The following FIGN variants were observed in gnomAD, a reference collection of about 807,000 sequenced individuals.
The protein encoded by FIGN is fidgetin.
FIGN carries 11 observed loss-of-function variants against 51.3 expected under a neutral mutation model. The observed-to-expected ratio is 0.21, with a 90% CI of 0.13 to 0.35. The LOEUF is 0.35. Ranked by LOEUF, FIGN falls within the 10% of genes least tolerant of loss-of-function variation. The pLI, the probability that FIGN is intolerant of heterozygous loss-of-function variation, is 1.00. For missense variants in FIGN, 857 were observed against 943.6 expected (o/e 0.91, Z 1.20); for synonymous variants, 407 against 363.2 (o/e 1.12, Z -1.37).
Position 163,714,609 on chromosome 2 carries a change from C to T in FIGN, c.25+20294G>A, listed in dbSNP as rs184567611. ...TTACCTGGATTACCAAGAAACTGAT[C>T]CTAGCTACTTTCCATTAAAATCTAA... On this transcript the variant is annotated intron_variant, in intron 2 of 2. Transcript: ENST00000333129. 2.2e-3 allele frequency among the ~76,000 whole-genome samples: 330 copies of T among 152,306 alleles called. 1 individual carries two copies. The highest frequency in any genetic ancestry group is 7.7e-3 in the African/African-American group (322 of 41,562).
chr2:163,699,600 T>G (rs1473378971), intron 2 of FIGN, among the ~76,000 whole-genome samples: 1 of 152,122 alleles, frequency 6.6e-6, no homozygotes, highest in Non-Finnish European at 1.5e-5. Context: ...GACGCAAAAA[T>G]TCACTGTTAC....
chr2:163,649,747 A>T (rs1683441791), intron 2 of FIGN, among the ~76,000 whole-genome samples: 1 of 152,238 alleles, frequency 6.6e-6, no homozygotes, highest in South Asian at 2.1e-4. Context: ...GCAGCAATAG[A>T]TAACCAGAAT....
intron 2 of FIGN, among the ~76,000 whole-genome samples, chr2:163,694,847 C>T (rs1000719975): frequency 5.3e-5 from 8 of 152,152 alleles, no homozygotes; most frequent in Non-Finnish European, 8.8e-5. Context: ...AGATGGGGAT[C>T]TCGCTATGTT....
Position 163,609,884 on chromosome 2 carries a change from T to A in FIGN, c.1948A>T (p.Ile650Phe). The change falls in exon 3 of 3, where the codon ATC becomes TTC. Residue 650 changes from isoleucine (I) to phenylalanine (F), a missense_variant. This residue lies in a region of FIGN where 799 missense variants were observed against 849.5 expected (regional missense o/e 0.94). Transcript: ENST00000333129. ...CTCGCTGTGCTGTCAGGAAGTGGGA[T>A]TAAAAGTCGTTTCATGAAGTACCTC... ...LRRYFMKRLLIPLPDSTARHQ... is the reference protein window; with the variant it reads ...LRRYFMKRLLFPLPDSTARHQ... The A allele has an allele frequency of 6.2e-7, 1 of 1,614,118 alleles. No homozygotes were observed. Among genetic ancestry groups the A allele is most frequent in the South Asian group, 1.1e-5 (1 of 91,082 alleles).
intron 2 of FIGN, among the ~76,000 whole-genome samples, chr2:163,689,211 G>C (rs893025610): frequency 2.5e-4 from 25 of 100,848 alleles, no homozygotes; most frequent in African/African-American, 9.2e-4. Context: ...CACACACAGA[G>C]AGAGAGTGAG....
At chr2:163,668,014 A>AACCCCCCC (rs1491089658) in intron 2 of FIGN, among the ~76,000 whole-genome samples, 3 of 106,870 alleles carry the variant, frequency 2.8e-5, no homozygotes, top group Admixed American at 9.0e-5. Context: ...CCTACCTCCA[A>AACCCCCCC]CCCCCCCCCC....
intron 2 of FIGN, among the ~76,000 whole-genome samples, chr2:163,700,267 C>T (rs1684388154): frequency 6.6e-6 from 1 of 151,992 alleles, no homozygotes; most frequent in Non-Finnish European, 1.5e-5. Context: ...GAAGGCACTT[C>T]CTTATGTAAC....
chr2:163,655,941 T>A (rs566334735), intron 2 of FIGN, among the ~76,000 whole-genome samples: 5 of 151,974 alleles, frequency 3.3e-5, no homozygotes, highest in African/African-American at 1.2e-4. Context: ...AGCTAGGGAG[T>A]CTTTCATTGC....
chr2:163,687,965 ACT>A (rs1341195702), intron 2 of FIGN, among the ~76,000 whole-genome samples: 3 of 152,198 alleles, frequency 2.0e-5, no homozygotes, highest in Non-Finnish European at 4.4e-5. Flanking sequence ...TGAGGTATTA[ACT>A]CTCAGTAAAA....
intron 2 of FIGN, among the ~76,000 whole-genome samples, chr2:163,629,691 AAGTAG>A (rs542437479): frequency 1.9e-4 from 29 of 152,232 alleles, no homozygotes; most frequent in Non-Finnish European, 4.1e-4. Context: ...TTCTAGCTAC[AAGTAG>A]AGATGAATAG....
At position 163,632,526 on chromosome 2, in the gene FIGN, C is replaced by T. The variant is rs1055150599; in HGVS notation, c.26-20720G>A. Among the ~76,000 whole-genome samples the T allele has an allele frequency of 3.9e-5, 6 of 152,136 alleles. No homozygotes were observed. The South Asian group carries it at 1.2e-3, about 32-fold the overall frequency. ...ACATTGAGGTCACTTTCCAAACCTG[C>T]GGGGAGAGACCTGGAGATCCCTGCA... On this transcript the variant is annotated intron_variant, in intron 2 of 2. Transcript: ENST00000333129.
chr2:163,623,123 T>C (rs1339702370), intron 2 of FIGN, among the ~76,000 whole-genome samples: 8 of 152,104 alleles, frequency 5.3e-5, no homozygotes, highest in Admixed American at 2.0e-4. Context: ...ACTGCAGTTG[T>C]GGAAAGGCTA....
At chr2:163,714,840 C>T (rs143438074) in intron 2 of FIGN, among the ~76,000 whole-genome samples, 37 of 152,332 alleles carry the variant, frequency 2.4e-4, no homozygotes, top group African/African-American at 8.7e-4. Context: ...AATACATTCA[C>T]ATTCAAAAGT....
intron 2 of FIGN, among the ~76,000 whole-genome samples, chr2:163,702,795 C>T (rs1283507837): frequency 2.6e-5 from 4 of 152,052 alleles, no homozygotes; most frequent in Admixed American, 6.6e-5. Context: ...CTTTCCACCC[C>T]GAATAGTACT....
At chr2:163,632,119 G>T (rs1412756497) in intron 2 of FIGN, among the ~76,000 whole-genome samples, 1 of 152,056 alleles carries the variant, frequency 6.6e-6, no homozygotes, top group African/African-American at 2.4e-5. Flanking sequence ...TTACATTCCA[G>T]CCTAGGCAAG....
intron 2 of FIGN, among the ~76,000 whole-genome samples, chr2:163,709,000 T>C (rs1443923094): frequency 2.6e-5 from 4 of 152,172 alleles, no homozygotes; most frequent in African/African-American, 9.7e-5. Flanking sequence ...AGATTCTTCC[T>C]GAAGAGTCTA....
intron 2 of FIGN, among the ~76,000 whole-genome samples, chr2:163,699,517 T>G (rs1357001610): frequency 1.1e-5 from 1 of 88,130 alleles, no homozygotes; most frequent in East Asian, 3.6e-4. Context: ...AAGTTCTACA[T>G]GTTCACATGA....
rs1381196187 is a variant in FIGN, at chr2:163,609,566, C to T, written c.2266G>A (p.Gly756Ser). 1 of 1,606,268 alleles carries T rather than the reference C, an allele frequency of 6.2e-7. No homozygotes were observed. The highest frequency in any genetic ancestry group is 8.5e-7 in the Non-Finnish European group (1 of 1,175,042). Residue 756 changes from glycine (G) to serine (S), a missense_variant, in exon 3 of 3, where the codon GGT becomes AGT. Physicochemically the swap from Gly to Ser is moderately conservative, Grantham distance 56 (BLOSUM62 0). Coordinates refer to ENST00000333129, the MANE Select transcript of FIGN (RefSeq NM_018086.4). ...TAAAGAAGTTATCACTGACTGCAAC[C>T]AAACATTTTGTTCCATTCAACATAC... ...DMYVEWNKMF[G>S]CSQ is the part of the protein sequence containing the mutation.
chr2:163,602,815 A>C lies in FIGN; in HGVS notation c.*6737T>G, dbSNP rs1473986632. Reference sequence around the variant, plus strand: ...AAAACTTAATTTCCCTGTGGTAGCAAGTATTTATGAAAAGGAATATTCAGT... The same window carrying C: ...AAAACTTAATTTCCCTGTGGTAGCACGTATTTATGAAAAGGAATATTCAGT... On this transcript the variant is annotated 3_prime_UTR_variant, in exon 3 of 3. Transcript: ENST00000333129. 1 of 152,078 alleles carries C rather than the reference A, an allele frequency of 6.6e-6. No homozygotes were observed. Among genetic ancestry groups the C allele is most frequent in the Non-Finnish European group, 1.5e-5 (1 of 67,990 alleles). The allele number at this position is 152,078 out of a possible 1,614,324, so 9.4% of individuals were successfully genotyped here.
Sources: allele counts gnomAD v4.1 joint callset (sites outside exome capture counted in the v4.1 genomes callset), GRCh38; gene constraint gnomAD v4.1.1; regional missense constraint gnomAD v4.1.1; transcripts MANE v1.5; gene names NCBI Gene and HGNC (gene_info 2026-07-23, HGNC 2026-07-21).